Variants in ZNF335 observed in about 807,000 individuals in gnomAD.
ZNF335 encodes the protein NRC-interacting factor 1.
In ZNF335, 84 loss-of-function variants were observed where a neutral mutation model predicts 145.6. The observed-to-expected ratio is 0.58, with a 90% CI of 0.48 to 0.69. The LOEUF is 0.69. Among genes scored for constraint, ZNF335 ranks in the 30% least tolerant of loss-of-function variants. ZNF335 has a pLI of 0.00. For synonymous variants in ZNF335, 761 were observed against 717.0 expected (o/e 1.06, Z -0.98); for missense variants, 1,865 against 1,809.7 (o/e 1.03, Z -0.55).
In ZNF335 at chr20:45,950,370, G is replaced by C; in HGVS notation, c.3336C>G (p.Phe1112Leu). 1 of 1,600,432 alleles carries C rather than the reference G, an allele frequency of 6.2e-7. No homozygotes were observed. The highest frequency in any genetic ancestry group is 2.2e-5 in the East Asian group (1 of 44,640). ...GGAACTTGAGGTGCCCGTTACGGTTGAAACTGAGGGGGATGAAAGGTGGCT... is the reference window on the plus strand; with the variant it reads ...GGAACTTGAGGTGCCCGTTACGGTTCAAACTGAGGGGGATGAAAGGTGGCT... ...PFACHLCGQR[F>L]NRNGHLKFHI... is the part of the protein sequence containing the mutation. The change falls in exon 22 of 28, where the codon TTC becomes TTG. Residue 1112 changes from phenylalanine (F) to leucine (L), a missense_variant. Coordinates refer to ENST00000322927, the MANE Select transcript of ZNF335 (RefSeq NM_022095.4).
chr20:45,959,288 G>A lies in ZNF335; in HGVS notation c.2166C>T (p.Pro722=), dbSNP rs752576401. ...HPEEPPSRRR[P]FFSLQQIEEL... ...CCTCAATCTGCTGCAGAGAGAAGAA[G>A]GGGCGACGGCGGGAGGGGGGCTCCT... The change falls in exon 15 of 28, where the codon CCC becomes CCT. Residue 722 remains proline (P), a synonymous_variant. Coordinates refer to ENST00000322927, the MANE Select transcript of ZNF335 (RefSeq NM_022095.4). 1.3e-6 allele frequency: 2 copies of A among 1,555,314 alleles called. No homozygotes were observed. Among genetic ancestry groups the A allele is most frequent in the South Asian group, 1.2e-5 (1 of 84,312 alleles).
chr20:45,951,206 C>G (rs1344411517), intron 20 of ZNF335, among the ~76,000 whole-genome samples: 1 of 152,246 alleles, frequency 6.6e-6, no homozygotes, highest in African/African-American at 2.4e-5. Context: ...CCCTGATTTT[C>G]TAGGGCTGAG....
At chr20:45,954,676 C>A (rs1319250978) in intron 17 of ZNF335, among the ~76,000 whole-genome samples, 1 of 150,266 alleles carries the variant, frequency 6.7e-6, no homozygotes, top group Non-Finnish European at 1.5e-5. Context: ...AATAGAAAAA[C>A]AAATACAGGA....
rs116077790 is a variant in ZNF335, at chr20:45,950,068, A to G, written c.3489T>C (p.Thr1163=). 1,955 of 1,613,518 alleles carry G rather than the reference A, an allele frequency of 1.2e-3. 21 individuals carry two copies. In the African/African-American group the frequency reaches 0.024, roughly 20 times the overall value. Residue 1163 remains threonine (T), a splice_region_variant and synonymous_variant, in exon 23 of 28, where the codon ACT becomes ACC. Coordinates refer to ENST00000322927, the MANE Select transcript of ZNF335 (RefSeq NM_022095.4). ...SDDETLATLH[T]ALQSSHGVLG... is the part of the protein sequence containing the mutation. The stretch of plus-strand genomic sequence containing the variant: ...GGACCCCGTGACTGGACTGGAGTGC[A>G]GCTGGGCAGAGAGGAGAGGATGCTC...
intron 8 of ZNF335, 38 bp from the exon 9 acceptor site, chr20:45,963,688 T>C: frequency 6.2e-7 from 1 of 1,613,794 alleles, no homozygotes; most frequent in Non-Finnish European, 8.5e-7. Flanking sequence ...TCTGGTGGGG[T>C]TGGTGGCTTA....
rs775353059 is a variant in ZNF335, at chr20:45,962,071, G to A, written c.1645C>T (p.Arg549Trp). 1.7e-5 allele frequency: 22 copies of A among 1,258,992 alleles called. No homozygotes were observed. Among genetic ancestry groups the A allele is most frequent in the South Asian group, 1.2e-4 (10 of 84,758 alleles). 78.0% of individuals were successfully genotyped at this position (1,258,992 alleles called of 1,614,324 possible). Residue 549 changes from arginine (R) to tryptophan (W), a missense_variant and splice_region_variant, in exon 10 of 28, where the codon CGG (arginine) becomes TGG (tryptophan). Coordinates refer to ENST00000322927, the MANE Select transcript of ZNF335 (RefSeq NM_022095.4). Reference sequence around the variant, plus strand: ...GGTCCCTCCCACCCCCACACTGACCGGTCCCGGCTGTGCACAGCGGCGTGC... The same window carrying A: ...GGTCCCTCCCACCCCCACACTGACCAGTCCCGGCTGTGCACAGCGGCGTGC... ...IRHAAVHSRD[R>W]KKRPDPTPKL... is the part of the protein sequence containing the mutation.
rs6017715 is a variant in ZNF335, at chr20:45,971,200, G to T, written c.201+10C>A. The T allele has an allele frequency of 2.0e-6, 3 of 1,526,278 alleles. No homozygotes were observed. The highest frequency in any genetic ancestry group is 1.4e-5 in the African/African-American group (1 of 72,758). The allele number at this position is 1,526,278 out of a possible 1,614,324, so 94.5% of individuals were successfully genotyped here. The stretch of plus-strand genomic sequence containing the variant: ...TTGCCTCCACCCACGCCGTCCAGCC[G>T]GGTCCATACCTGAGAACGGCTGCCG... On this transcript the variant is annotated intron_variant, in intron 2 of 27. Transcript: ENST00000322927.
At chr20:45,949,610 G>T in intron 24 of ZNF335, 42 bp from the exon 25 acceptor site, 1 of 1,562,240 alleles carries the variant, frequency 6.4e-7, no homozygotes, top group Non-Finnish European at 8.7e-7. Flanking sequence ...AGGTGCTGAG[G>T]CCCCACTCGC....
Position 45,950,326 on chromosome 20 carries a change from C to CT in ZNF335, c.3379dup (p.Ser1127LysfsTer3). 1 of 1,579,964 alleles carries CT rather than the reference C, an allele frequency of 6.3e-7. No homozygotes were observed. The highest frequency in any genetic ancestry group is 1.2e-5 in the South Asian group (1 of 84,470). The stretch of plus-strand genomic sequence containing the variant: ...GGTTCCTGACTTCCTCCCATCAGGA[C>CT]TGTGCAGCCGCTGGATGTGGAACTT... On this transcript the variant is annotated frameshift_variant, in exon 22 of 28. Transcript: ENST00000322927. LOFTEE classifies it high-confidence loss of function.
In ZNF335 at chr20:45,967,317, C is replaced by T. The variant is rs927048642; in HGVS notation, c.955+177G>A. The T allele has an allele frequency of 5.6e-6, 5 of 885,118 alleles. 1 individual carries two copies. Among genetic ancestry groups the T allele is most frequent in the East Asian group, 5.2e-5 (2 of 38,168 alleles). The allele number at this position is 885,118 out of a possible 1,614,324, so 54.8% of individuals were successfully genotyped here. Reference sequence around the variant, plus strand: ...CCCTGTGCTCTTTTCCAGTGTGCACCCTGCACAACTGCACACAGAAGTCCT... The same window carrying T: ...CCCTGTGCTCTTTTCCAGTGTGCACTCTGCACAACTGCACACAGAAGTCCT... On this transcript the variant is annotated intron_variant, in intron 6 of 27. Transcript: ENST00000322927.
rs182951716 is a variant in ZNF335 at position 45,955,695 on chromosome 20, C to T, written c.2443-1747G>A. ...AGTAGCCAGGTGTGGTGACGTGCAC[C>T]TGTAATCCCAGCAACTCAGGAGGCC... On this transcript the variant is annotated intron_variant, in intron 17 of 27. Transcript: ENST00000322927. Among the ~76,000 whole-genome samples, 22 of 151,918 alleles carry T rather than the reference C, an allele frequency of 1.4e-4. 1 individual carries two copies. Among genetic ancestry groups the T allele is most frequent in the Middle Eastern group, 3.4e-3 (1 of 294 alleles).
chr20:45,961,971 G>T, intron 10 of ZNF335, 99 bp downstream of exon 10: 1 of 1,007,982 alleles, frequency 9.9e-7, no homozygotes, highest in Non-Finnish European at 1.5e-6. Context: ...CTGGCTCAGA[G>T]CAGGAGCACG....
intron 2 of ZNF335, chr20:45,969,905 G>T (rs1600553068): frequency 2.0e-6 from 1 of 495,846 alleles, no homozygotes; most frequent in Non-Finnish European, 3.5e-6. Context: ...ATCTCATCAG[G>T]GAATACACAA....
In ZNF335 at chr20:45,971,265, G is replaced by A. The variant is rs899381098; in HGVS notation, c.146C>T (p.Ala49Val). ...SSDAAAAPGQ[A>V]EADDSGVGQS... is the part of the protein sequence containing the mutation. ...CCCCACGCCAGAGTCATCGGCCTCT[G>A]CCTGCCCCGGGGCGGCCGCGGCGTC... The change falls in exon 2 of 28, where the codon GCA (alanine) becomes GTA (valine). Residue 49 changes from alanine to valine, a missense_variant. By Grantham distance (64) the Ala-to-Val change is moderately conservative. Coordinates refer to ENST00000322927, the MANE Select transcript of ZNF335 (RefSeq NM_022095.4). 3.8e-6 allele frequency: 6 copies of A among 1,566,432 alleles called. No individual in the cohort carries two copies. The African/African-American group carries it at 6.8e-5, about 18-fold the overall frequency.
rs552844872 is a variant in ZNF335 at position 45,968,105 on chromosome 20, G to A, written c.521-78C>T. On this transcript the variant is annotated intron_variant, in intron 4 of 27. Transcript: ENST00000322927. ...CATGAGCTATAGCTACCCCTCCCAG[G>A]CAGGCCCAGGGAGTGCAGAACCAAA... 95 of 1,583,522 alleles carry A rather than the reference G, an allele frequency of 6.0e-5. No homozygotes were observed. In the East Asian group the frequency reaches 2.1e-3, roughly 34 times the overall value.
rs2083979707 is a variant in ZNF335, at chr20:45,967,614, C to G, written c.835G>C (p.Ala279Pro). The G allele has an allele frequency of 1.9e-6, 3 of 1,614,042 alleles. No homozygotes were observed. The highest frequency in any genetic ancestry group is 1.6e-4 in the Middle Eastern group (1 of 6,062). ...TTCCGTAGACGTCCTTTTTTACCAGCTGCTGCTGCGGCTGCTGCTACTGGA... is the reference window on the plus strand; with the variant it reads ...TTCCGTAGACGTCCTTTTTTACCAGGTGCTGCTGCGGCTGCTGCTACTGGA... The part of the protein sequence containing the change: ...FRPVAAAAAA[A>P]GKKGRLRKWS... Residue 279 changes from alanine to proline, a missense_variant, in exon 6 of 28, where the codon GCT (alanine) becomes CCT (proline). Transcript: ENST00000322927.
At position 45,950,414 on chromosome 20, in the gene ZNF335, C is replaced by T. The variant is rs1422011329; in HGVS notation, c.3332+39G>A. ...GGTGGCTCAGGTTAGCTCCACCATA[C>T]ATGCCCAGCAGTCCCCACCCACCAG... On this transcript the variant is annotated intron_variant, in intron 21 of 27. Coordinates refer to ENST00000322927, the MANE Select transcript of ZNF335 (RefSeq NM_022095.4). 3.1e-6 allele frequency: 5 copies of T among 1,613,172 alleles called. No individual in the cohort carries two copies. The Admixed American group carries it at 5.0e-5, about 16-fold the overall frequency.
chr20:45,962,131 T>C lies in ZNF335; in HGVS notation c.1585A>G (p.Ser529Gly). Residue 529 changes from serine to glycine, a missense_variant, in exon 10 of 28, where the codon AGC becomes GGC. Ser to Gly is a moderately conservative substitution (Grantham distance 56). Transcript: ENST00000322927. ...GSKPYKCDEC[S>G]YTSVYRKDVI... ...TCCTTCCGGTAGACACTGGTGTAGC[T>C]GCACTCGTCACACTTGTAGGGCTTG... 6.2e-7 allele frequency: 1 copy of C among 1,613,584 alleles called. No homozygotes were observed. Among genetic ancestry groups the C allele is most frequent in the Non-Finnish European group, 8.5e-7 (1 of 1,179,752 alleles).
At chr20:45,955,524 C>G (rs1600526933) in intron 17 of ZNF335, among the ~76,000 whole-genome samples, 1 of 151,958 alleles carries the variant, frequency 6.6e-6, no homozygotes, top group South Asian at 2.1e-4. Context: ...TTTAAAAACA[C>G]TACAAAGATG....
Sources: gnomAD v4.1 joint callset for allele counts (sites outside exome capture counted in the v4.1 genomes callset) on GRCh38, gnomAD v4.1.1 for gene constraint, MANE v1.5 for transcripts, NCBI Gene and HGNC (gene_info 2026-07-23, HGNC 2026-07-21) for gene names.